The following PITPNC1 variants were observed in gnomAD, a reference collection of about 807,000 sequenced individuals.
PITPNC1 encodes cytoplasmic phosphatidylinositol transfer protein 1.
Under a neutral mutation model 44.7 loss-of-function variants are expected in PITPNC1, and 18 were observed. The ratio of observed to expected loss-of-function variants is 0.40; its 90% CI spans 0.28 to 0.60. The LOEUF is 0.60. Ranked by LOEUF, PITPNC1 falls within the 20% of genes least tolerant of loss-of-function variation. The pLI, the probability that PITPNC1 is intolerant of heterozygous loss-of-function variation, is 0.39. For synonymous variants in PITPNC1, 141 were observed against 149.6 expected, an observed-to-expected ratio of 0.94 and a Z score of 0.42; for missense variants, 290 against 418.4, an observed-to-expected ratio of 0.69 and a Z score of 2.68.
intron 6 of PITPNC1, among the ~76,000 whole-genome samples, chr17:67,655,150 T>C (rs1022322667): frequency 6.6e-6 from 1 of 152,218 alleles, no homozygotes; most frequent in African/African-American, 2.4e-5. Context: ...GATCAAAGCA[T>C]TGACAGATTC....
At chr17:67,636,752 G>T (rs2042037993) in intron 6 of PITPNC1, among the ~76,000 whole-genome samples, 1 of 152,184 alleles carries the variant, frequency 6.6e-6, no homozygotes, top group Admixed American at 6.5e-5. Flanking sequence ...TGTTTTGGTG[G>T]TTGTGTCTAC....
intron 1 of PITPNC1, among the ~76,000 whole-genome samples, chr17:67,425,899 C>T (rs1418099735): frequency 6.6e-6 from 1 of 152,118 alleles, no homozygotes; most frequent in Non-Finnish European, 1.5e-5. Flanking sequence ...TATGTCACAA[C>T]CACTCAACTC....
At chr17:67,637,702 G>A (rs573096478) in intron 6 of PITPNC1, 11 of 152,254 alleles carry the variant, frequency 7.2e-5, no homozygotes, top group Admixed American at 7.2e-4. Flanking sequence ...GCATGCTTTG[G>A]GGATTCAGGA....
intron 1 of PITPNC1, among the ~76,000 whole-genome samples, chr17:67,384,788 TGAAAG>T (rs1198780051): frequency 2.6e-5 from 4 of 152,226 alleles, no homozygotes; most frequent in South Asian, 2.1e-4. Flanking sequence ...CAGAAATTAT[TGAAAG>T]GAAGAGATTT....
chr17:67,692,973 T>C lies in PITPNC1; in HGVS notation c.*85T>C. On this transcript the variant is annotated 3_prime_UTR_variant, in exon 9 of 9. Transcript: ENST00000581322. ...AGAATCTTCTGATAGAGAAAAAGACTGCTTTGTCACTCAAACATGTTCCTT... is the reference window on the plus strand; with the variant it reads ...AGAATCTTCTGATAGAGAAAAAGACCGCTTTGTCACTCAAACATGTTCCTT... 1 of 877,378 alleles carries C rather than the reference T, an allele frequency of 1.1e-6. No individual in the cohort carries two copies. The highest frequency in any genetic ancestry group is 1.6e-5 in the South Asian group (1 of 60,662). The allele number at this position is 877,378 out of a possible 1,614,324, so 54.3% of individuals were successfully genotyped here.
intron 5 of PITPNC1, among the ~76,000 whole-genome samples, chr17:67,606,975 T>C (rs1438840440): frequency 6.6e-6 from 1 of 152,076 alleles, no homozygotes; most frequent in Non-Finnish European, 1.5e-5. Context: ...CAATAACCCT[T>C]CCAACCTGCT....
intron 1 of PITPNC1, among the ~76,000 whole-genome samples, chr17:67,458,650 C>T (rs2039289529): frequency 6.6e-6 from 1 of 152,152 alleles, no homozygotes; most frequent in Non-Finnish European, 1.5e-5. Context: ...TTTTATCATT[C>T]CAAGTTCCCT....
At chr17:67,425,194 C>CGT (rs1491360473) in intron 1 of PITPNC1, among the ~76,000 whole-genome samples, 3 of 32,844 alleles carry the variant, frequency 9.1e-5, no homozygotes, top group South Asian at 1.9e-3. Context: ...TGTGCGCGCG[C>CGT]ACGCACACGC....
At chr17:67,384,970 T>A (rs1308244200) in intron 1 of PITPNC1, among the ~76,000 whole-genome samples, 1 of 152,248 alleles carries the variant, frequency 6.6e-6, no homozygotes, top group Admixed American at 6.5e-5. Flanking sequence ...AAAAGTTTTC[T>A]CAAGAACGAG....
chr17:67,616,836 G>A (rs980838782), intron 5 of PITPNC1, among the ~76,000 whole-genome samples: 3 of 152,116 alleles, frequency 2.0e-5, no homozygotes, highest in African/African-American at 4.8e-5. Flanking sequence ...CGCCTGGTGC[G>A]TTCGTCAGCG....
chr17:67,523,241 T>C (rs1382786787), intron 1 of PITPNC1, among the ~76,000 whole-genome samples: 1 of 152,246 alleles, frequency 6.6e-6, no homozygotes, highest in Non-Finnish European at 1.5e-5. Flanking sequence ...CTGACTACCG[T>C]CTAATGAAAT....
intron 1 of PITPNC1, among the ~76,000 whole-genome samples, chr17:67,407,857 T>C (rs1399811614): frequency 1.3e-5 from 2 of 151,982 alleles, no homozygotes; most frequent in East Asian, 1.9e-4. Flanking sequence ...AGATAGGCAA[T>C]GTGCTGATGT....
intron 5 of PITPNC1, among the ~76,000 whole-genome samples, chr17:67,579,523 T>C (rs1480246868): frequency 6.6e-6 from 1 of 151,724 alleles, no homozygotes; most frequent in Non-Finnish European, 1.5e-5. Flanking sequence ...CAGCCTGAAA[T>C]CACAGGCGCG....
At chr17:67,399,848 A>G (rs142341024) in intron 1 of PITPNC1, among the ~76,000 whole-genome samples, 219 of 152,266 alleles carry the variant, frequency 1.4e-3, no homozygotes, top group East Asian at 0.01. Context: ...GGTTGGTGCA[A>G]TACTGTGGAA....
intron 4 of PITPNC1, among the ~76,000 whole-genome samples, chr17:67,557,266 G>A (rs1020770203): frequency 3.9e-5 from 6 of 152,046 alleles, no homozygotes; most frequent in African/African-American, 7.2e-5. Flanking sequence ...CCCCACCCTC[G>A]TGACCTCATC....
intron 4 of PITPNC1, among the ~76,000 whole-genome samples, chr17:67,575,792 TTCC>T (rs750923510): frequency 0.22 from 5,831 of 27,016 alleles, 214 homozygotes; most frequent in East Asian, 0.32. Flanking sequence ...TTTTCTTTCT[TTCC>T]TTCTTTCTTT....
intron 6 of PITPNC1, among the ~76,000 whole-genome samples, chr17:67,660,146 G>C (rs920091212): frequency 6.6e-6 from 1 of 152,204 alleles, no homozygotes; most frequent in South Asian, 2.1e-4. Context: ...CCTCGCAAAA[G>C]TGCTAGGATT....
chr17:67,626,336 CA>C (rs924221363), intron 5 of PITPNC1, among the ~76,000 whole-genome samples: 12 of 152,182 alleles, frequency 7.9e-5, no homozygotes, highest in Non-Finnish European at 1.6e-4. Context: ...AAAGAACATG[CA>C]GGAATTAGCC....
In PITPNC1 at chr17:67,676,412, T is replaced by C. The variant is rs1484370890; in HGVS notation, c.682+870T>C. ...AAACAAGGTTAGCTTCATCCCATGA[T>C]GGATGGACCATCCTTCCCAGGTCCT... On this transcript the variant is annotated intron_variant, in intron 8 of 8. Coordinates refer to ENST00000581322, the MANE Select transcript of PITPNC1 (RefSeq NM_012417.4). This position sits in a 1 kb window ranked among gnomAD's most constrained non-coding sequence, Gnocchi z 4.0. Among the ~76,000 whole-genome samples the C allele has an allele frequency of 6.6e-6, 1 of 152,184 alleles. No homozygotes were observed. Among genetic ancestry groups the C allele is most frequent in the Non-Finnish European group, 1.5e-5 (1 of 68,046 alleles).
Sources: gnomAD v4.1 joint callset for allele counts (sites outside exome capture counted in the v4.1 genomes callset) on GRCh38, gnomAD v4.1.1 for gene constraint, Gnocchi (gnomAD v3.1) non-coding constraint, MANE v1.5 for transcripts, NCBI Gene and HGNC (gene_info 2026-07-23, HGNC 2026-07-21) for gene names.